AKAP12: variants seen among roughly 807,000 people sequenced by gnomAD.
The protein encoded by AKAP12 is A-kinase anchor protein 12.
Under a neutral mutation model 79.9 loss-of-function variants are expected in AKAP12, and 32 were observed. The observed-to-expected ratio is 0.40, with a 90% CI of 0.30 to 0.54. AKAP12 has a LOEUF of 0.54. Ranked by LOEUF, AKAP12 falls within the 20% of genes least tolerant of loss-of-function variation. The pLI is 0.48. For missense variants in AKAP12, 2,074 were observed against 2,177.0 expected (o/e 0.95, Z 0.94); for synonymous variants, 808 against 857.0 (o/e 0.94, Z 1.00).
At position 151,349,174 on chromosome 6, in the gene AKAP12, A is replaced by C. The variant is rs774177804; in HGVS notation, c.783A>C (p.Ala261=). The change falls in exon 4 of 5, where the codon GCA becomes GCC. Residue 261 remains alanine (A), a synonymous_variant. Transcript: ENST00000402676. ...CTCCCCCAGCCGAATCTGGCCAAGC[A>C]GTGGAGGAATGCAAAGAGGAAGGAG... The part of the protein sequence containing the change: ...EISPPAESGQ[A]VEECKEEGEE... The C allele has an allele frequency of 6.8e-6, 11 of 1,613,244 alleles. No homozygotes were observed. The highest frequency in any genetic ancestry group is 8.5e-6 in the Non-Finnish European group (10 of 1,180,038).
intron 2 of AKAP12, among the ~76,000 whole-genome samples, chr6:151,250,170 G>A (rs562237121): frequency 3.2e-4 from 49 of 152,124 alleles, no homozygotes; most frequent in African/African-American, 1.0e-3. Flanking sequence ...ACTAGAGCCC[G>A]GGAAGTTGAA....
intron 2 of AKAP12, among the ~76,000 whole-genome samples, chr6:151,267,153 A>T (rs1228708806): frequency 6.6e-6 from 1 of 151,958 alleles, no homozygotes; most frequent in Non-Finnish European, 1.5e-5. Flanking sequence ...CAGCAGACAG[A>T]TCAACGGGAA....
At chr6:151,307,451 A>G (rs1776999931) in intron 3 of AKAP12, among the ~76,000 whole-genome samples, 1 of 152,230 alleles carries the variant, frequency 6.6e-6, no homozygotes, top group South Asian at 2.1e-4. Context: ...CAGGGCCCTG[A>G]AAGCAGAGTG....
chr6:151,303,493 G>A (rs1305349528), intron 2 of AKAP12, among the ~76,000 whole-genome samples: 1 of 152,218 alleles, frequency 6.6e-6, no homozygotes, highest in African/African-American at 2.4e-5. Context: ...GCCTTGCTGG[G>A]AGCCGAGAAC....
rs1776964224 is a variant in AKAP12, at chr6:151,305,771, T to TCCA, written c.191_193dup (p.Thr64dup). ...GCTCCTACAGAAGAATGGTCAGCTG[T>TCCA]CCACCATCAATGGCGTAGCTGAGCA... On this transcript the variant is annotated inframe_insertion, in exon 3 of 5. Coordinates refer to ENST00000402676, the MANE Select transcript of AKAP12 (RefSeq NM_005100.4). 1.2e-6 allele frequency: 2 copies of TCCA among 1,613,616 alleles called. No individual in the cohort carries two copies. The highest frequency in any genetic ancestry group is 2.7e-5 in the African/African-American group (2 of 75,014).
At chr6:151,284,575 C>T (rs1219437735) in intron 2 of AKAP12, among the ~76,000 whole-genome samples, 2 of 151,650 alleles carry the variant, frequency 1.3e-5, no homozygotes, top group African/African-American at 4.9e-5. Flanking sequence ...CTGCAGTGAG[C>T]CATAACTGAG....
intron 3 of AKAP12, among the ~76,000 whole-genome samples, chr6:151,312,493 A>G (rs1025249026): frequency 6.6e-6 from 1 of 150,376 alleles, no homozygotes; most frequent in East Asian, 2.0e-4. Flanking sequence ...AAAATAAAAT[A>G]TAAGAATCAT....
chr6:151,297,680 G>T (rs1474718), intron 2 of AKAP12, among the ~76,000 whole-genome samples: 14,264 of 152,060 alleles, frequency 0.094, 969 homozygotes, highest in African/African-American at 0.18. Context: ...CATGTCTTGA[G>T]GTGCAGCCCC....
chr6:151,312,236 C>T lies in AKAP12; in HGVS notation c.319+6333C>T, dbSNP rs149975305. 7.8e-3 allele frequency among the ~76,000 whole-genome samples: 1,187 copies of T among 152,216 alleles called. 9 individuals are homozygous for T. Among genetic ancestry groups the T allele is most frequent in the African/African-American group, 0.016 (653 of 41,534 alleles). ...CGGTAATCCCAGCACTTTGGGAGGC[C>T]GAGGAGGGCGGATCACTTGAGCCCA... On this transcript the variant is annotated intron_variant, in intron 3 of 4. Transcript: ENST00000402676.
intron 3 of AKAP12, among the ~76,000 whole-genome samples, chr6:151,340,231 G>A (rs1016730270): frequency 2.8e-5 from 4 of 145,046 alleles, no homozygotes; most frequent in East Asian, 2.2e-4. Flanking sequence ...CGCGCCCAGC[G>A]GTGGTTTTTT....
In AKAP12 at chr6:151,351,366, A is replaced by T. The variant is rs1457755599; in HGVS notation, c.2975A>T (p.Glu992Val). The T allele has an allele frequency of 6.2e-7, 1 of 1,614,184 alleles. No homozygotes were observed. Among genetic ancestry groups the T allele is most frequent in the Non-Finnish European group, 8.5e-7 (1 of 1,180,028 alleles). Residue 992 changes from glutamate (E) to valine (V), a missense_variant, in exon 4 of 5, where the codon GAA becomes GTA. Coordinates refer to ENST00000402676, the MANE Select transcript of AKAP12 (RefSeq NM_005100.4). The surrounding 1 kb of genome is among the most constrained non-coding windows in gnomAD (Gnocchi z 4.4). The part of the protein sequence containing the change: ...AGPLGAEEGT[E>V]ASAAEETTEM... ...CCATTGGGTGCCGAAGAAGGAACCG[A>T]AGCATCTGCTGCTGAAGAGACCACA...
intron 2 of AKAP12, among the ~76,000 whole-genome samples, chr6:151,284,471 C>CA (rs1172580871): frequency 1.3e-5 from 2 of 151,932 alleles, no homozygotes; most frequent in Non-Finnish European, 1.5e-5. Flanking sequence ...ACAAAAAATA[C>CA]AAAAAAATTA....
At chr6:151,355,278 C>T (rs760456995) in intron 4 of AKAP12, among the ~76,000 whole-genome samples, 4 of 151,742 alleles carry the variant, frequency 2.6e-5, no homozygotes, top group Non-Finnish European at 5.9e-5. Flanking sequence ...CATGAGCCAC[C>T]GCACCCAGCC....
At chr6:151,320,478 C>T (rs943853667) in intron 3 of AKAP12, among the ~76,000 whole-genome samples, 1 of 152,046 alleles carries the variant, frequency 6.6e-6, no homozygotes, top group Non-Finnish European at 1.5e-5. Flanking sequence ...TTAATCCTCT[C>T]CACATGTGGC....
chr6:151,354,150 CA>C (rs935049461), intron 4 of AKAP12, among the ~76,000 whole-genome samples: 32 of 116,722 alleles, frequency 2.7e-4, no homozygotes, highest in East Asian at 9.8e-4. Context: ...GACTCCGTCT[CA>C]AAAAAAAAAA....
At chr6:151,319,527 GATATATATATAT>G (rs146314242) in intron 3 of AKAP12, 2 of 101,270 alleles carry the variant, frequency 2.0e-5, no homozygotes, top group African/African-American at 8.0e-5. Context: ...TCTCTATATA[GATATATATATAT>G]AGATATAGAT....
chr6:151,263,049 G>GT (rs946365870), intron 2 of AKAP12, among the ~76,000 whole-genome samples: 1 of 152,016 alleles, frequency 6.6e-6, no homozygotes, highest in Non-Finnish European at 1.5e-5. Flanking sequence ...GGGTTATTTT[G>GT]TTTTTTATAG....
chr6:151,270,780 G>A (rs1346139533), intron 2 of AKAP12, among the ~76,000 whole-genome samples: 2 of 152,062 alleles, frequency 1.3e-5, no homozygotes, highest in South Asian at 2.1e-4. Flanking sequence ...ATAGCTAATT[G>A]TGTGGATCCC....
chr6:151,251,855 G>C (rs2114685470), intron 2 of AKAP12, among the ~76,000 whole-genome samples: 1 of 152,204 alleles, frequency 6.6e-6, no homozygotes, highest in African/African-American at 2.4e-5. Flanking sequence ...AAATTAGCCA[G>C]GCATGGTGGC....
Sources: allele counts gnomAD v4.1 joint callset (sites outside exome capture counted in the v4.1 genomes callset), GRCh38; gene constraint gnomAD v4.1.1; non-coding constraint Gnocchi (gnomAD v3.1); transcripts MANE v1.5; gene names NCBI Gene and HGNC (gene_info 2026-07-23, HGNC 2026-07-21).